The following C13orf46 variants were observed in gnomAD, a reference collection of about 807,000 sequenced individuals.
The protein encoded by C13orf46 is uncharacterized protein C13orf46.
intron 6 of C13orf46, among the ~76,000 whole-genome samples, chr13:113,960,449 G>T (rs1397634800): frequency 6.6e-6 from 1 of 152,120 alleles, no homozygotes; most frequent in African/African-American, 2.4e-5. Flanking sequence ...AGCTTCTGCT[G>T]TCCCTTGTCA....
downstream of C13orf46, among the ~76,000 whole-genome samples, chr13:113,952,850 G>A (rs1385279692): frequency 2.0e-5 from 3 of 152,246 alleles, no homozygotes; most frequent in East Asian, 3.8e-4. Flanking sequence ...CCAACGGGCC[G>A]GGCAGCAGCA....
intron 6 of C13orf46, among the ~76,000 whole-genome samples, chr13:113,961,605 G>A: frequency 6.6e-6 from 1 of 152,090 alleles, no homozygotes; most frequent in Non-Finnish European, 1.5e-5. Context: ...GTCCAAAACT[G>A]CTTTTTGTGG....
chr13:113,934,566 CAATGGGAAAAG>C, the C13orf46 span, among the ~76,000 whole-genome samples: 1 of 152,214 alleles, frequency 6.6e-6, no homozygotes, highest in African/African-American at 2.4e-5. Flanking sequence ...CAAGACAACT[CAATGGGAAAAG>C]AAAGATTGTG....
Position 113,973,982 on chromosome 13 carries a change from C to T in C13orf46, c.16G>A (p.Gly6Arg), listed in dbSNP as rs2052737418. MEKDTGTTHRRHRPGL... is the reference protein window; with the variant it reads MEKDTRTTHRRHRPGL... ...GGCCGGTGCCTCCTGTGTGTGGTCC[C>T]CGTGTCCTTCTCCATCCTCCAGCCC... is the stretch of plus-strand genomic sequence containing the variant. Residue 6 changes from glycine (G) to arginine (R), a missense_variant, in exon 1 of 7, where the codon GGG (glycine) becomes AGG (arginine). Gly to Arg is a moderately radical substitution (Grantham distance 125). Coordinates refer to ENST00000636427, the MANE Select transcript of C13orf46 (RefSeq NM_001365455.2). 1 of 152,612 alleles carries T rather than the reference C, an allele frequency of 6.6e-6. No homozygotes were observed. Among genetic ancestry groups the T allele is most frequent in the African/African-American group, 2.4e-5 (1 of 41,482 alleles). The allele number at this position is 152,612 out of a possible 1,614,324, so 9.5% of individuals were successfully genotyped here. A position where few individuals can be genotyped will look rare whatever the true frequency, so the allele number is the denominator to read the frequency against.
chr13:113,937,696 T>TG, the C13orf46 span, among the ~76,000 whole-genome samples: 12 of 152,252 alleles, frequency 7.9e-5, no homozygotes, highest in South Asian at 2.5e-3. Flanking sequence ...GGATGAACGC[T>TG]GGTTCGGTCC....
chr13:113,942,108 CA>C, the C13orf46 span, among the ~76,000 whole-genome samples: 3 of 152,374 alleles, frequency 2.0e-5, no homozygotes, highest in Admixed American at 6.5e-5. Flanking sequence ...GCATGAGCAA[CA>C]AAACGCACAG....
the C13orf46 span, among the ~76,000 whole-genome samples, chr13:113,938,425 G>A: frequency 6.6e-6 from 1 of 152,200 alleles, no homozygotes; most frequent in African/African-American, 2.4e-5. Flanking sequence ...TCCAGAGACG[G>A]CAGCAGCCTT....
At chr13:113,957,949 T>C (rs1267093782) in intron 6 of C13orf46, among the ~76,000 whole-genome samples, 1 of 117,424 alleles carries the variant, frequency 8.5e-6, no homozygotes, top group Admixed American at 9.3e-5. Context: ...CCCCCTTTCA[T>C]CAAGTGCACT....
chr13:113,934,224 C>T, the C13orf46 span, among the ~76,000 whole-genome samples: 21 of 152,338 alleles, frequency 1.4e-4, no homozygotes, highest in African/African-American at 4.8e-4. Context: ...CACGATGCGT[C>T]GGACACGCAC....
the C13orf46 span, among the ~76,000 whole-genome samples, chr13:113,942,596 A>G: frequency 6.6e-6 from 1 of 152,182 alleles, no homozygotes; most frequent in African/African-American, 2.4e-5. Context: ...TACAGTCCTG[A>G]GAACACGAGA....
In C13orf46 at chr13:113,954,987, GAGGATCTGGCAGAGAGGAGGAGT is replaced by G. The variant is rs879081110; in HGVS notation, c.*1763_*1785del. The stretch of plus-strand genomic sequence containing the variant: ...AGGAGGATCTGGCGGAGACGAGGAG[GAGGATCTGGCAGAGAGGAGGAGT>G]AGGATCTGGCGGAGAGGAGGAGTAG... On this transcript the variant is annotated 3_prime_UTR_variant, in exon 7 of 7. Transcript: ENST00000636427. 0.26 allele frequency: 43,451 copies of G among 165,504 alleles called. 7,747 individuals are homozygous for G. Among genetic ancestry groups the G allele is most frequent in the East Asian group, 0.4 (2,044 of 5,070 alleles). The allele number at this position is 165,504 out of a possible 1,614,324, so 10.3% of individuals were successfully genotyped here.
chr13:113,930,517 C>T, the C13orf46 span, among the ~76,000 whole-genome samples: 7 of 152,194 alleles, frequency 4.6e-5, no homozygotes, highest in South Asian at 2.1e-4. Context: ...GGTGTGTCCT[C>T]GCCTCCAAAT....
the C13orf46 span, among the ~76,000 whole-genome samples, chr13:113,942,964 C>T: frequency 6.6e-6 from 1 of 152,212 alleles, no homozygotes. Flanking sequence ...GGCCATGGCT[C>T]TCTAAGGCCC....
At chr13:113,934,981 A>T in the C13orf46 span, among the ~76,000 whole-genome samples, 2 of 152,182 alleles carry the variant, frequency 1.3e-5, no homozygotes, top group African/African-American at 4.8e-5. Context: ...GGCTACAGGG[A>T]AATATTTTTG....
intron 2 of C13orf46, among the ~76,000 whole-genome samples, chr13:113,969,548 C>A (rs2052682435): frequency 6.6e-6 from 1 of 152,242 alleles, no homozygotes; most frequent in African/African-American, 2.4e-5. Flanking sequence ...CAACGGGAGC[C>A]ATTTGTAAAT....
At chr13:113,936,358 G>T in the C13orf46 span, among the ~76,000 whole-genome samples, 1 of 152,214 alleles carries the variant, frequency 6.6e-6, no homozygotes. Context: ...GTGGGGAGCT[G>T]ACCGGCTATG....
chr13:113,971,676 TGTGAA>T (rs1276962924), intron 1 of C13orf46, among the ~76,000 whole-genome samples: 1 of 152,220 alleles, frequency 6.6e-6, no homozygotes, highest in Non-Finnish European at 1.5e-5. Flanking sequence ...GAGGCCTCCC[TGTGAA>T]GTGGACGCGG....
At chr13:113,969,287 T>C (rs1450647129) in intron 2 of C13orf46, among the ~76,000 whole-genome samples, 1 of 152,240 alleles carries the variant, frequency 6.6e-6, no homozygotes, top group Admixed American at 6.5e-5. Flanking sequence ...CCATCTGCAA[T>C]GGCGTTGACT....
At position 113,955,492 on chromosome 13, in the gene C13orf46, A is replaced by AGAC; in HGVS notation, c.*1278_*1280dup. 1 of 159,572 alleles carries AGAC rather than the reference A, an allele frequency of 6.3e-6. No homozygotes were observed. The highest frequency in any genetic ancestry group is 1.4e-4 in the South Asian group (1 of 7,158). 9.9% of individuals were successfully genotyped at this position (159,572 alleles called of 1,614,324 possible). A position where few individuals can be genotyped will look rare whatever the true frequency, so the allele number is the denominator to read the frequency against. ...CGAGGAGCGGAGGAGCATCTGGCGGAGACGAGGAGCATCTCGTGGAGCGGA... is the reference window on the plus strand; with the variant it reads ...CGAGGAGCGGAGGAGCATCTGGCGGAGACGACGAGGAGCATCTCGTGGAGCGGA... On this transcript the variant is annotated 3_prime_UTR_variant, in exon 7 of 7. Transcript: ENST00000636427.
Sources: gnomAD v4.1 joint callset for allele counts (sites outside exome capture counted in the v4.1 genomes callset) on GRCh38, gnomAD v4.1.1 for gene constraint, MANE v1.5 for transcripts, NCBI Gene and HGNC (gene_info 2026-07-23, HGNC 2026-07-21) for gene names.